The following SUMF1 variants were observed in gnomAD, a reference collection of about 807,000 sequenced individuals.
SUMF1 encodes formylglycine-generating enzyme.
In SUMF1, 48 loss-of-function variants were observed where a neutral mutation model predicts 47.6. The ratio of observed to expected loss-of-function variants is 1.01; its 90% CI spans 0.80 to 1.28. The LOEUF is 1.28. SUMF1 is among the 50% of genes most tolerant of loss of function. The probability of loss-of-function intolerance (pLI) is 0.00; values close to 1 mark genes in which losing one functional copy is unlikely to be tolerated. For synonymous variants in SUMF1, 230 were observed against 192.1 expected (o/e 1.20, Z -1.63); for missense variants, 571 against 485.4 (o/e 1.18, Z -1.66).
At chr3:4,186,835 T>C (rs1431028602) in intron 8 of SUMF1, among the ~76,000 whole-genome samples, 2 of 152,176 alleles carry the variant, frequency 1.3e-5, no homozygotes, top group African/African-American at 4.8e-5. Flanking sequence ...AATGAAGATG[T>C]AATGAGCCAC....
intron 9 of SUMF1, among the ~76,000 whole-genome samples, chr3:4,058,407 T>C (rs1695225538): frequency 6.6e-6 from 1 of 151,944 alleles, no homozygotes; most frequent in Non-Finnish European, 1.5e-5. Flanking sequence ...AGGGACATGA[T>C]AAGGAATGAG....
At chr3:4,059,797 A>G (rs763293235) in intron 9 of SUMF1, among the ~76,000 whole-genome samples, 52 of 82,212 alleles carry the variant, frequency 6.3e-4, no homozygotes, top group African/African-American at 1.7e-3. Context: ...GTCCCTGTGG[A>G]AAAAAAAAAA....
chr3:4,355,157 C>A (rs1412428165), intron 8 of SUMF1, among the ~76,000 whole-genome samples: 1 of 152,056 alleles, frequency 6.6e-6, no homozygotes, highest in Non-Finnish European at 1.5e-5. Flanking sequence ...CAAGACCAGC[C>A]TAGGCAACAT....
At chr3:4,068,100 G>A (rs778151334) in intron 9 of SUMF1, among the ~76,000 whole-genome samples, 3 of 152,146 alleles carry the variant, frequency 2.0e-5, no homozygotes, top group Non-Finnish European at 4.4e-5. Context: ...CTTCCTGCCA[G>A]GCAGAATTAG....
In SUMF1 at chr3:4,251,002, T is replaced by C. The variant is rs113593084; in HGVS notation, c.1014+125328A>G. 3.3e-3 allele frequency among the ~76,000 whole-genome samples: 509 copies of C among 152,310 alleles called. 2 individuals are homozygous for C. The highest frequency in any genetic ancestry group is 0.011 in the African/African-American group (477 of 41,562). On this transcript the variant is annotated intron_variant and NMD_transcript_variant, in intron 8 of 12. Coordinates refer to the SUMF1 transcript ENST00000448413. ...TAATCTTGACTTTCAAGTCCTTTTATTTAAGAAATAAATTTCATAAGGCTA... is the reference window on the plus strand; with the variant it reads ...TAATCTTGACTTTCAAGTCCTTTTACTTAAGAAATAAATTTCATAAGGCTA...
rs111918922 is a variant in SUMF1, at chr3:4,084,418, T to C, written c.1015-15673A>G. Among the ~76,000 whole-genome samples the C allele has an allele frequency of 7.6e-3, 1,160 of 152,264 alleles. 11 individuals are homozygous for C. The highest frequency in any genetic ancestry group is 0.026 in the African/African-American group (1,096 of 41,524). ...TGAGTTTTCCTCCACTCAGCAGTCA[T>C]AGCAGCCAATGGAATGATGTGGAAA... On this transcript the variant is annotated intron_variant and NMD_transcript_variant, in intron 8 of 12. Coordinates refer to the SUMF1 transcript ENST00000448413.
intron 8 of SUMF1, among the ~76,000 whole-genome samples, chr3:4,174,417 C>T (rs1694910775): frequency 1.3e-5 from 2 of 151,404 alleles, no homozygotes; most frequent in African/African-American, 4.9e-5. Context: ...TGGAATCCAG[C>T]CAGGGACAGT....
intron 8 of SUMF1, among the ~76,000 whole-genome samples, chr3:4,241,581 T>C (rs1319964120): frequency 6.6e-6 from 1 of 152,184 alleles, no homozygotes; most frequent in African/African-American, 2.4e-5. Context: ...TAAGAAGTGC[T>C]AAACAATGTA....
chr3:4,212,054 C>T (rs1392365027), intron 8 of SUMF1, among the ~76,000 whole-genome samples: 1 of 152,178 alleles, frequency 6.6e-6, no homozygotes, highest in Non-Finnish European at 1.5e-5. Context: ...AGGAGCAGAC[C>T]TCCCAGCACA....
chr3:4,420,723 GCTAGCCAATCCT>G (rs1559288906), intron 3 of SUMF1, among the ~76,000 whole-genome samples: 1 of 151,838 alleles, frequency 6.6e-6, no homozygotes, highest in Non-Finnish European at 1.5e-5. Context: ...AAAGTGCATG[GCTAGCCAATCCT>G]CTATAATCTC....
intron 9 of SUMF1, among the ~76,000 whole-genome samples, chr3:4,050,629 G>C (rs540603682): frequency 1.3e-5 from 2 of 151,454 alleles, no homozygotes; most frequent in Admixed American, 1.3e-4. Flanking sequence ...TGTACTGCCA[G>C]CTACTCAGGA....
At chr3:4,398,200 T>C (rs558639340) in intron 7 of SUMF1, among the ~76,000 whole-genome samples, 51 of 152,252 alleles carry the variant, frequency 3.3e-4, no homozygotes, top group African/African-American at 1.2e-3. Context: ...CGAGGTGGGT[T>C]TGCTTGCTCT....
chr3:4,420,212 G>T, intron 3 of SUMF1, 66 bp from the exon 4 acceptor site: 2 of 1,261,680 alleles, frequency 1.6e-6, no homozygotes, highest in Non-Finnish European at 2.3e-6. Flanking sequence ...TATCAACTCA[G>T]TACATGCAGC....
At chr3:4,239,474 C>G (rs375364208) in intron 8 of SUMF1, among the ~76,000 whole-genome samples, 1 of 151,942 alleles carries the variant, frequency 6.6e-6, no homozygotes, top group Admixed American at 6.6e-5. Flanking sequence ...CAGTTCTCCT[C>G]GAGGAGGTCC....
intron 8 of SUMF1, among the ~76,000 whole-genome samples, chr3:4,153,027 T>C (rs1198157060): frequency 6.6e-6 from 1 of 151,568 alleles, no homozygotes; most frequent in Non-Finnish European, 1.5e-5. Context: ...AACCAAGCCC[T>C]ATTCTTCTGA....
intron 9 of SUMF1, among the ~76,000 whole-genome samples, chr3:4,047,877 A>G (rs1463694486): frequency 6.6e-6 from 1 of 152,130 alleles, no homozygotes; most frequent in Admixed American, 6.5e-5. Flanking sequence ...GCATCTCCTC[A>G]GTTACCAGGA....
intron 1 of SUMF1, among the ~76,000 whole-genome samples, chr3:4,456,470 G>A (rs867539255): frequency 1.5e-5 from 1 of 65,280 alleles, no homozygotes; most frequent in Non-Finnish European, 3.4e-5. Flanking sequence ...TTTTTTTTTT[G>A]AGACGGAGTC....
intron 8 of SUMF1, among the ~76,000 whole-genome samples, chr3:4,129,648 C>T (rs768449466): frequency 3.3e-5 from 5 of 152,036 alleles, no homozygotes; most frequent in Non-Finnish European, 7.4e-5. Flanking sequence ...CCCAAGGAGA[C>T]CTCCAGCCGT....
At chr3:4,147,749 C>T (rs1165945041) in intron 8 of SUMF1, among the ~76,000 whole-genome samples, 1 of 152,114 alleles carries the variant, frequency 6.6e-6, no homozygotes, top group Non-Finnish European at 1.5e-5. Flanking sequence ...AAAAGAACTA[C>T]CTACCACCAC....
Sources: gnomAD v4.1 joint callset for allele counts (sites outside exome capture counted in the v4.1 genomes callset) on GRCh38, gnomAD v4.1.1 for gene constraint, MANE v1.5 for transcripts, NCBI Gene and HGNC (gene_info 2026-07-23, HGNC 2026-07-21) for gene names.